BBS9: variants seen among roughly 807,000 people sequenced by gnomAD.
BBS9 encodes Bardet-Biedl syndrome 9, also known as protein PTHB1.
Under a neutral mutation model 117.7 loss-of-function variants are expected in BBS9, and 89 were observed. The ratio of observed to expected loss-of-function variants is 0.76; its 90% CI spans 0.64 to 0.90. The LOEUF is 0.90. Ranked by LOEUF, BBS9 falls within the 40% of genes least tolerant of loss-of-function variation. The pLI is 0.00. For synonymous variants in BBS9, 379 were observed against 370.9 expected, an observed-to-expected ratio of 1.02 and a Z score of -0.25; for missense variants, 982 against 1,042.2, an observed-to-expected ratio of 0.94 and a Z score of 0.80.
intron 21 of BBS9, among the ~76,000 whole-genome samples, chr7:33,596,257 AACACACACACACACACAC>A (rs777940429): frequency 1.7e-5 from 2 of 118,854 alleles, no homozygotes; most frequent in Admixed American, 8.0e-5. Flanking sequence ...ACAGAACAGA[AACACACACACACACACAC>A]ACACACACAC....
rs141047982 is a variant in BBS9 at position 33,434,096 on chromosome 7, GTT to G, written c.2115+45958_2115+45959del. 5.6e-3 allele frequency among the ~76,000 whole-genome samples: 841 copies of G among 151,152 alleles called. 7 individuals are homozygous for G. The highest frequency in any genetic ancestry group is 0.019 in the African/African-American group (790 of 41,248). On this transcript the variant is annotated intron_variant, in intron 19 of 22. Coordinates refer to ENST00000242067, the MANE Select transcript of BBS9 (RefSeq NM_198428.3). ...CTTAATTTTCAAATATTTTTTCATA[GTT>G]TTTTTATCAATAATGATGGATATCT...
chr7:33,315,551 C>T (rs1233743320), intron 9 of BBS9, among the ~76,000 whole-genome samples: 1 of 152,078 alleles, frequency 6.6e-6, no homozygotes, highest in Non-Finnish European at 1.5e-5. Flanking sequence ...ACAAGGACAG[C>T]GAATACCTAG....
intron 19 of BBS9, among the ~76,000 whole-genome samples, chr7:33,491,132 G>T (rs1843838072): frequency 6.6e-6 from 1 of 152,190 alleles, no homozygotes; most frequent in South Asian, 2.1e-4. Flanking sequence ...CCCACAAGGG[G>T]TAGCCAGGGA....
At chr7:33,184,545 A>C (rs1798554128) in intron 5 of BBS9, among the ~76,000 whole-genome samples, 1 of 152,196 alleles carries the variant, frequency 6.6e-6, no homozygotes, top group Non-Finnish European at 1.5e-5. Context: ...GAGAATCCTT[A>C]CTTTTTATTA....
intron 19 of BBS9, among the ~76,000 whole-genome samples, chr7:33,474,676 G>T (rs957065608): frequency 3.3e-5 from 5 of 152,192 alleles, no homozygotes; most frequent in Non-Finnish European, 7.3e-5. Context: ...GGCTGGGCGT[G>T]ATGGCTCACT....
At chr7:33,158,163 C>T (rs372093078) in intron 4 of BBS9, among the ~76,000 whole-genome samples, 6 of 152,280 alleles carry the variant, frequency 3.9e-5, no homozygotes, top group African/African-American at 4.8e-5. Context: ...ATCTGATTTA[C>T]TTAATATGTA....
chr7:33,336,365 GA>G, intron 9 of BBS9, 75 bp from the exon 10 acceptor site: 1 of 1,090,438 alleles, frequency 9.2e-7, no homozygotes, highest in Non-Finnish European at 1.4e-6. Context: ...ATGCTGAATT[GA>G]GTAAAAATGT....
At chr7:33,409,108 A>T (rs923393936) in intron 19 of BBS9, among the ~76,000 whole-genome samples, 22 of 151,790 alleles carry the variant, frequency 1.4e-4, no homozygotes, top group Admixed American at 1.4e-3. Context: ...TTTAGGTTGT[A>T]TGTTTCTTCT....
intron 19 of BBS9, among the ~76,000 whole-genome samples, chr7:33,407,682 A>T (rs981641868): frequency 8.6e-5 from 13 of 151,920 alleles, no homozygotes; most frequent in Non-Finnish European, 1.8e-4. Context: ...GGTCTGTTGG[A>T]GTTTGCTAGA....
At chr7:33,410,967 A>G (rs527570008) in intron 19 of BBS9, among the ~76,000 whole-genome samples, 2 of 146,968 alleles carry the variant, frequency 1.4e-5, no homozygotes, top group East Asian at 2.0e-4. Context: ...ATATATATAT[A>G]TATAATCTTG....
intron 5 of BBS9, among the ~76,000 whole-genome samples, chr7:33,203,350 T>A (rs374761522): frequency 2.8e-4 from 43 of 151,966 alleles, no homozygotes; most frequent in African/African-American, 9.2e-4. Context: ...TCAGTAGGAG[T>A]GGCATGAGGC....
rs1051655263 is a variant in BBS9, at chr7:33,576,931, G to A, written c.2522-27934G>A. 1.9e-4 allele frequency among the ~76,000 whole-genome samples: 29 copies of A among 152,238 alleles called. No homozygotes were observed. The East Asian group carries it at 5.4e-3, about 28-fold the overall frequency. ...AGAGGGATTAAAGACTTACATGTTA[G>A]ACCTAAAACCATAAAAACCCTAGAA... On this transcript the variant is annotated intron_variant, in intron 21 of 22. Coordinates refer to ENST00000242067, the MANE Select transcript of BBS9 (RefSeq NM_198428.3).
chr7:33,268,156 G>C (rs1029056654), intron 7 of BBS9, among the ~76,000 whole-genome samples: 8 of 152,188 alleles, frequency 5.3e-5, no homozygotes, highest in Non-Finnish European at 8.8e-5. Context: ...CTTATACCCT[G>C]TGTGAATGTT....
At chr7:33,562,781 G>A (rs1047727907) in intron 21 of BBS9, among the ~76,000 whole-genome samples, 20 of 152,002 alleles carry the variant, frequency 1.3e-4, no homozygotes, top group African/African-American at 4.6e-4. Context: ...AAAATTAGCC[G>A]GGCATGGTGG....
At chr7:33,153,759 G>A (rs1194948753) in intron 3 of BBS9, among the ~76,000 whole-genome samples, 1 of 152,166 alleles carries the variant, frequency 6.6e-6, no homozygotes, top group African/African-American at 2.4e-5. Context: ...GCTTTAGGCT[G>A]GGATATGAGA....
At chr7:33,584,596 C>A (rs1034784707) in intron 21 of BBS9, among the ~76,000 whole-genome samples, 4 of 151,680 alleles carry the variant, frequency 2.6e-5, no homozygotes, top group African/African-American at 9.7e-5. Flanking sequence ...TATTGAGATT[C>A]CGTTTTGATA....
chr7:33,140,796 G>A (rs1243210734), intron 1 of BBS9, among the ~76,000 whole-genome samples: 1 of 152,006 alleles, frequency 6.6e-6, no homozygotes, highest in African/African-American at 2.4e-5. Flanking sequence ...AATAACAAAT[G>A]GTGCAAATAT....
intron 19 of BBS9, among the ~76,000 whole-genome samples, chr7:33,440,775 C>G (rs1161087415): frequency 6.6e-6 from 1 of 152,016 alleles, no homozygotes; most frequent in Non-Finnish European, 1.5e-5. Context: ...ACGAGGTAGC[C>G]CAAGCTCATA....
At chr7:33,283,089 T>C (rs956237793) in intron 9 of BBS9, among the ~76,000 whole-genome samples, 2 of 152,240 alleles carry the variant, frequency 1.3e-5, no homozygotes, top group Non-Finnish European at 2.9e-5. Flanking sequence ...CTAGTTCTTT[T>C]ACTATTCCTG....
Sources: gnomAD v4.1 joint callset for allele counts (sites outside exome capture counted in the v4.1 genomes callset) on GRCh38, gnomAD v4.1.1 for gene constraint, MANE v1.5 for transcripts, NCBI Gene and HGNC (gene_info 2026-07-23, HGNC 2026-07-21) for gene names.